MYBBP1A: variants seen among roughly 807,000 people sequenced by gnomAD.
The protein encoded by MYBBP1A is MYB binding protein 1a.
Under a neutral mutation model 136.3 loss-of-function variants are expected in MYBBP1A, and 147 were observed. That is an observed-to-expected ratio of 1.08 (90% CI 0.94 to 1.24). The LOEUF (loss-of-function observed/expected upper bound fraction) is 1.24. MYBBP1A is among the 50% of genes most tolerant of loss of function. The probability of loss-of-function intolerance (pLI) is 0.00; values close to 1 mark genes in which losing one functional copy is unlikely to be tolerated. For missense variants in MYBBP1A, 2,060 were observed against 1,727.4 expected, an observed-to-expected ratio of 1.19 and a Z score of -3.41; for synonymous variants, 947 against 735.8, an observed-to-expected ratio of 1.29 and a Z score of -4.65.
rs1567602368 is a variant in MYBBP1A, at chr17:4,540,285, T to TGTGTGTGTGC, written c.3434+62_3434+63insGCACACACAC. The TGTGTGTGTGC allele has an allele frequency of 5.2e-6, 8 of 1,534,712 alleles. No individual in the cohort carries two copies. In the African/African-American group the frequency reaches 9.5e-5, roughly 18 times the overall value. The stretch of plus-strand genomic sequence containing the variant: ...AGCGTGTGTGCAGCGTGTGTGTGTG[T>TGTGTGTGTGC]GCAGCAGCGTGAGGGTGTTCCCAGC... On this transcript the variant is annotated intron_variant, in intron 25 of 25. Transcript: ENST00000254718.
Position 4,552,489 on chromosome 17 carries a change from C to T in MYBBP1A, c.699G>A (p.Val233=). The T allele has an allele frequency of 6.2e-7, 1 of 1,613,772 alleles. No homozygotes were observed. The highest frequency in any genetic ancestry group is 8.5e-7 in the Non-Finnish European group (1 of 1,180,034). The part of the protein sequence containing the change: ...QKVPSKLKKL[V]GSVNLFSDEN... ...CATCTGAGAATAGGTTCACGGATCC[C>T]ACCAGCTTCTTGAGCTTGGAGGGCA... The change falls in exon 6 of 26, where the codon GTG becomes GTA. Residue 233 remains valine, a synonymous_variant. Coordinates refer to ENST00000254718, the MANE Select transcript of MYBBP1A (RefSeq NM_014520.4). This position sits in a 1 kb window ranked among gnomAD's most constrained non-coding sequence, Gnocchi z 4.7.
At position 4,542,665 on chromosome 17, in the gene MYBBP1A, T is replaced by C; in HGVS notation, c.2969A>G (p.Asn990Ser). 7 of 1,614,014 alleles carry C rather than the reference T, an allele frequency of 4.3e-6. No individual in the cohort carries two copies. The highest frequency in any genetic ancestry group is 1.1e-5 in the South Asian group (1 of 91,074). Reference protein sequence around the residue: ...TALSSFLTKRNSPLTVPMFLS... With the variant: ...TALSSFLTKRSSPLTVPMFLS... ...GAACATGGGAACTGTGAGGGGGCTGTTGCGCTTGGTCAGGAAGGAGCTCAG... is the reference window on the plus strand; with the variant it reads ...GAACATGGGAACTGTGAGGGGGCTGCTGCGCTTGGTCAGGAAGGAGCTCAG... The change falls in exon 21 of 26, where the codon AAC (asparagine) becomes AGC (serine). Residue 990 changes from asparagine to serine, a missense_variant. Physicochemically the swap from Asn to Ser is conservative, Grantham distance 46 (BLOSUM62 1). Transcript: ENST00000254718.
Position 4,539,697 on chromosome 17 carries a change from AG to A in MYBBP1A, c.3704del (p.Pro1235LeufsTer27). Reference protein sequence around the residue: ...NGTPTTKSPAPGAPTRSPSTP... With the variant: ...NGTPTTKSPAXGAPTRSPSTP... ...TGCTGGGGCTCCGGGTGGGGGCGCC[AG>A]GGGCTGGACTCTTGGTGGTTGGCGT... On this transcript the variant is annotated frameshift_variant, in exon 26 of 26. Coordinates refer to ENST00000254718, the MANE Select transcript of MYBBP1A (RefSeq NM_014520.4). LOFTEE classifies it low-confidence loss of function (END_TRUNC). The A allele has an allele frequency of 1.9e-6, 3 of 1,601,412 alleles. No homozygotes were observed.
At position 4,552,354 on chromosome 17, in the gene MYBBP1A, G is replaced by C; in HGVS notation, c.738-62C>G. 6.2e-7 allele frequency: 1 copy of C among 1,606,662 alleles called. No individual in the cohort carries two copies. Among genetic ancestry groups the C allele is most frequent in the Non-Finnish European group, 8.5e-7 (1 of 1,176,788 alleles). ...ACAGGCAAGGGCCAGGGTGACAAGA[G>C]CAGCCGGGACACCCCCAGGCCAAAC... On this transcript the variant is annotated intron_variant, in intron 6 of 25. Transcript: ENST00000254718. The surrounding 1 kb of genome is among the most constrained non-coding windows in gnomAD (Gnocchi z 4.7).
In MYBBP1A at chr17:4,548,669, G is replaced by A; in HGVS notation, c.1431-20C>T. The A allele has an allele frequency of 6.2e-7, 1 of 1,613,832 alleles. No individual in the cohort carries two copies. The highest frequency in any genetic ancestry group is 1.1e-5 in the South Asian group (1 of 91,084). ...CAAAACCTGGGGAGGGTGGGAGAGT[G>A]GCCATAGCCATTCACTGCCATTGGT... is the stretch of plus-strand genomic sequence containing the variant. On this transcript the variant is annotated intron_variant, in intron 10 of 25. Transcript: ENST00000254718. The surrounding 1 kb of genome is among the most constrained non-coding windows in gnomAD (Gnocchi z 4.2).
intron 23 of MYBBP1A, 54 bp downstream of exon 23, chr17:4,541,730 C>T: frequency 6.5e-7 from 1 of 1,536,842 alleles, no homozygotes; most frequent in South Asian, 1.1e-5. Flanking sequence ...AGAGATCGGT[C>T]TCCCGGAGAA....
At position 4,539,504 on chromosome 17, in the gene MYBBP1A, C is replaced by G. The variant is rs1480800927; in HGVS notation, c.3898G>C (p.Ala1300Pro). 4 of 1,614,170 alleles carry G rather than the reference C, an allele frequency of 2.5e-6. No homozygotes were observed. Among genetic ancestry groups the G allele is most frequent in the Non-Finnish European group, 3.4e-6 (4 of 1,180,022 alleles). The change falls in exon 26 of 26, where the codon GCA becomes CCA. Residue 1300 changes from alanine to proline, a missense_variant. By Grantham distance (27) the Ala-to-Pro change is conservative (BLOSUM62 -1). Transcript: ENST00000254718. Reference protein sequence around the residue: ...SPLSALARKKARLSLVIRSPS... With the variant: ...SPLSALARKKPRLSLVIRSPS... ...CTCCTGATGACCAAAGACAGCCTTGCCTTTTTCCGTGCCAGCGCGGACAGT... is the reference window on the plus strand; with the variant it reads ...CTCCTGATGACCAAAGACAGCCTTGGCTTTTTCCGTGCCAGCGCGGACAGT...
Position 4,551,786 on chromosome 17 carries a change from G to A in MYBBP1A, c.1023+94C>T. 2.6e-5 allele frequency: 29 copies of A among 1,107,064 alleles called. No homozygotes were observed. The South Asian group carries it at 3.5e-4, about 14-fold the overall frequency. The allele number at this position is 1,107,064 out of a possible 1,614,324, so 68.6% of individuals were successfully genotyped here. A position where few individuals can be genotyped will look rare whatever the true frequency, so the allele number is the denominator to read the frequency against. On this transcript the variant is annotated intron_variant, in intron 8 of 25. Coordinates refer to ENST00000254718, the MANE Select transcript of MYBBP1A (RefSeq NM_014520.4). ...GACGGAGGGGACACCCATAGCTCTA[G>A]CCAAGCCCCCGAGGTGCCCTGCTCC...
rs772546988 is a variant in MYBBP1A, at chr17:4,548,144, G to A, written c.1723C>T (p.Arg575Trp). The change falls in exon 12 of 26, where the codon CGG becomes TGG. Residue 575 changes from arginine to tryptophan, a missense_variant and splice_region_variant. Physicochemically the swap from Arg to Trp is moderately radical, Grantham distance 101. Transcript: ENST00000254718. This position sits in a 1 kb window ranked among gnomAD's most constrained non-coding sequence, Gnocchi z 4.2. ...CCCCTGGAAATCCCACGTGCTCACC[G>A]GTCCCAGGCCTGGCGCTGCTGCGCA... The part of the protein sequence containing the change: ...FTAQQRQAWD[R>W]MLQTLKELEA... 47 of 1,604,800 alleles carry A rather than the reference G, an allele frequency of 2.9e-5. No homozygotes were observed. The highest frequency in any genetic ancestry group is 5.5e-5 in the South Asian group (5 of 91,078).
chr17:4,550,199 C>G lies in MYBBP1A; in HGVS notation c.1178G>C (p.Arg393Pro), dbSNP rs775368969. ...CGGAGGGCTCAGGAACCGCACGACCCGCCAGAAAGTAGGCGTGACAGGGAG... is the reference window on the plus strand; with the variant it reads ...CGGAGGGCTCAGGAACCGCACGACCGGCCAGAAAGTAGGCGTGACAGGGAG... ...QGLPVTPTFW[R>P]VVRFLSPPAL... Residue 393 changes from arginine to proline, a missense_variant, in exon 9 of 26, where the codon CGG (arginine) becomes CCG (proline). Arg to Pro is a moderately radical substitution (Grantham distance 103). Transcript: ENST00000254718. 1 of 1,613,782 alleles carries G rather than the reference C, an allele frequency of 6.2e-7. No individual in the cohort carries two copies. The highest frequency in any genetic ancestry group is 8.5e-7 in the Non-Finnish European group (1 of 1,180,064).
In MYBBP1A at chr17:4,542,466, G is replaced by A; in HGVS notation, c.3085C>T (p.Gln1029Ter). The A allele has an allele frequency of 6.2e-7, 1 of 1,607,330 alleles. No homozygotes were observed. The highest frequency in any genetic ancestry group is 8.5e-7 in the Non-Finnish European group (1 of 1,175,928). ...HITGPVRPRH[Q>*]ACLLLQKTLS... ...CTGGGAGCTGGGAAGTCTCTCACCT[G>A]ATGACGGGGCCGCACCGGGCCCGTG... is the stretch of plus-strand genomic sequence containing the variant. The change falls in exon 22 of 26, where the codon CAG becomes TAG. Residue 1029 changes from glutamine (Q) to a stop codon, truncating the protein, a stop_gained and splice_region_variant. Coordinates refer to ENST00000254718, the MANE Select transcript of MYBBP1A (RefSeq NM_014520.4). LOFTEE classifies it high-confidence loss of function.
chr17:4,551,906 A>C lies in MYBBP1A; in HGVS notation c.997T>G (p.Tyr333Asp). The C allele has an allele frequency of 5.6e-6, 9 of 1,613,454 alleles. No individual in the cohort carries two copies. The highest frequency in any genetic ancestry group is 6.8e-6 in the Non-Finnish European group (8 of 1,179,804). ...TTAGCAGTGCACACGTGCTCCCCGT[A>C]ATGGCGGATCACGTCTCCCTGCATC... ...LVMQGDVIRHYGEHVCTAKLP... is the reference protein window; with the variant it reads ...LVMQGDVIRHDGEHVCTAKLP... The change falls in exon 8 of 26, where the codon TAC becomes GAC. Residue 333 changes from tyrosine (Y) to aspartate (D), a missense_variant. Transcript: ENST00000254718.
chr17:4,544,999 G>GCCCCCCCCCCCCCCCCCCCCCCCCCCC, intron 17 of MYBBP1A, 27 bp downstream of exon 17: 2 of 498,358 alleles, frequency 4.0e-6, no homozygotes, highest in South Asian at 4.9e-5. Context: ...CTCCCCGGCC[G>GCCCCCCCCCCCCCCCCCCCCCCCCCCC]CCCCCCCCTC....
In MYBBP1A at chr17:4,555,250, G is replaced by A. The variant is rs1907925751; in HGVS notation, c.75C>T (p.Arg25=). 6.2e-7 allele frequency: 1 copy of A among 1,612,090 alleles called. No homozygotes were observed. Among genetic ancestry groups the A allele is most frequent in the African/African-American group, 1.3e-5 (1 of 74,942 alleles). Residue 25 remains arginine, a synonymous_variant, in exon 1 of 26, where the codon CGC becomes CGT. Transcript: ENST00000254718. ...ATQSGARPAD[R]YGLLKHSREF... The stretch of plus-strand genomic sequence containing the variant: ...CGCGACTGTGCTTCAATAGGCCATA[G>A]CGGTCGGCAGGCCGGGCGCCACTCT...
intron 13 of MYBBP1A, among the ~76,000 whole-genome samples, chr17:4,547,259 G>A (rs774822974): frequency 1.3e-5 from 2 of 152,138 alleles, no homozygotes; most frequent in Non-Finnish European, 2.9e-5. Flanking sequence ...AGCCTCCTCT[G>A]TCCAAGTCAA....
At position 4,545,608 on chromosome 17, in the gene MYBBP1A, A is replaced by G. The variant is rs1906931623; in HGVS notation, c.2073+2T>C. ...ATTCCACTCCCAAAGGTCCCAACTC[A>G]CATCCAGAATTAGCTGCAGGGCACG... On this transcript the variant is annotated splice_donor_variant, in intron 15 of 25. Coordinates refer to ENST00000254718, the MANE Select transcript of MYBBP1A (RefSeq NM_014520.4). LOFTEE classifies it high-confidence loss of function. 6.3e-7 allele frequency: 1 copy of G among 1,578,720 alleles called. No homozygotes were observed. The highest frequency in any genetic ancestry group is 8.6e-7 in the Non-Finnish European group (1 of 1,158,434).
Position 4,543,080 on chromosome 17 carries a change from G to A in MYBBP1A, c.2725C>T (p.Gln909Ter). ...GAGTCGGGCTGGCGGCCAGCCTGCTGCACCAACCGCTCCACCTGGGCGTGC... is the reference window on the plus strand; with the variant it reads ...GAGTCGGGCTGGCGGCCAGCCTGCTACACCAACCGCTCCACCTGGGCGTGC... ...ALHAQVERLV[Q>*]QAGRQPDSPT... The change falls in exon 20 of 26, where the codon CAG becomes TAG. Residue 909 changes from glutamine (Q) to a stop codon, truncating the protein, a stop_gained. Coordinates refer to ENST00000254718, the MANE Select transcript of MYBBP1A (RefSeq NM_014520.4). LOFTEE classifies it high-confidence loss of function. 1.2e-6 allele frequency: 2 copies of A among 1,613,192 alleles called. No homozygotes were observed. The highest frequency in any genetic ancestry group is 1.7e-6 in the Non-Finnish European group (2 of 1,179,936).
chr17:4,538,976 C>A lies in MYBBP1A; in HGVS notation c.*439G>T, dbSNP rs767840414. The A allele has an allele frequency of 2.3e-5, 18 of 795,832 alleles. No homozygotes were observed. Among genetic ancestry groups the A allele is most frequent in the African/African-American group, 5.0e-5 (3 of 59,424 alleles). The allele number at this position is 795,832 out of a possible 1,614,324, so 49.3% of individuals were successfully genotyped here. On this transcript the variant is annotated 3_prime_UTR_variant, in exon 26 of 26. Transcript: ENST00000254718. ...AGCTGCTGATTGTGAATCTCAGAGT[C>A]TTAAGAGAGAAGCCAAATATATTCC...
chr17:4,546,312 T>A (rs569864513), intron 13 of MYBBP1A, among the ~76,000 whole-genome samples: 1 of 152,070 alleles, frequency 6.6e-6, no homozygotes, highest in South Asian at 2.1e-4. Flanking sequence ...AGAGACGGGG[T>A]TTCACCATGT....
Sources: gnomAD v4.1 joint callset for allele counts (sites outside exome capture counted in the v4.1 genomes callset) on GRCh38, gnomAD v4.1.1 for gene constraint, Gnocchi (gnomAD v3.1) non-coding constraint, MANE v1.5 for transcripts, NCBI Gene and HGNC (gene_info 2026-07-23, HGNC 2026-07-21) for gene names.